Variants in CNTN5 observed in about 807,000 individuals in gnomAD.
CNTN5 encodes contactin 5, also known as contactin-5.
Under a neutral mutation model 129.1 loss-of-function variants are expected in CNTN5, and 77 were observed. The observed-to-expected ratio is 0.60, with a 90% confidence interval of 0.50 to 0.72. The LOEUF (loss-of-function observed/expected upper bound fraction) is 0.72. Ranked by LOEUF, CNTN5 falls within the 30% of genes least tolerant of loss-of-function variation. The pLI is 0.00. For missense variants in CNTN5, 1,478 were observed against 1,328.8 expected, an observed-to-expected ratio of 1.11 and a Z score of -1.75; for synonymous variants, 509 against 465.6, an observed-to-expected ratio of 1.09 and a Z score of -1.20.
intron 1 of CNTN5, among the ~76,000 whole-genome samples, chr11:99,233,625 A>C (rs1861114769): frequency 3.9e-5 from 6 of 152,312 alleles, no homozygotes; most frequent in Middle Eastern, 3.4e-3. Context: ...TAAAATATAC[A>C]TTTAAATTTT....
At chr11:99,897,792 A>G (rs1276966002) in intron 6 of CNTN5, among the ~76,000 whole-genome samples, 2 of 152,222 alleles carry the variant, frequency 1.3e-5, no homozygotes, top group African/African-American at 4.8e-5. Flanking sequence ...AAACTTACAT[A>G]TCAATATTAA....
chr11:99,610,741 G>A (rs1278709445), intron 3 of CNTN5, among the ~76,000 whole-genome samples: 1 of 152,130 alleles, frequency 6.6e-6, no homozygotes, highest in Admixed American at 6.6e-5. Context: ...TATAATGAAA[G>A]GTCGCAAGCT....
chr11:99,348,596 A>T (rs868153934), intron 2 of CNTN5, among the ~76,000 whole-genome samples: 1 of 152,180 alleles, frequency 6.6e-6, no homozygotes, highest in Non-Finnish European at 1.5e-5. Context: ...CCTTAGTTTA[A>T]TCACTTCTTC....
chr11:99,042,960 T>C lies in CNTN5; in HGVS notation c.-210+21690T>C, dbSNP rs371332763. 2.6e-5 allele frequency among the ~76,000 whole-genome samples: 4 copies of C among 152,288 alleles called. 1 individual carries two copies. Among genetic ancestry groups the C allele is most frequent in the African/African-American group, 9.6e-5 (4 of 41,552 alleles). On this transcript the variant is annotated intron_variant, in intron 1 of 24. Coordinates refer to ENST00000524871, the MANE Select transcript of CNTN5 (RefSeq NM_014361.4). ...AATTTCTCAAGATCTATAGCTCTCT[T>C]TGTTGTCAGGCTCAAATTATCTTGA...
chr11:99,114,332 G>A (rs191460125), intron 1 of CNTN5, among the ~76,000 whole-genome samples: 6 of 152,098 alleles, frequency 3.9e-5, no homozygotes, highest in African/African-American at 1.2e-4. Flanking sequence ...AGAAACTCTC[G>A]TAGTAAGAAA....
intron 1 of CNTN5, among the ~76,000 whole-genome samples, chr11:99,056,582 G>A (rs946727324): frequency 6.6e-6 from 1 of 151,964 alleles, no homozygotes; most frequent in Non-Finnish European, 1.5e-5. Flanking sequence ...TTTTAGAAAT[G>A]CCTCTATTTG....
At chr11:100,300,309 T>A (rs1158609240) in intron 20 of CNTN5, among the ~76,000 whole-genome samples, 1 of 151,376 alleles carries the variant, frequency 6.6e-6, no homozygotes, top group African/African-American at 2.4e-5. Context: ...TTCCTCTTAG[T>A]CCTTCTTTTA....
At chr11:99,998,180 A>T (rs903539154) in intron 8 of CNTN5, among the ~76,000 whole-genome samples, 143 of 152,020 alleles carry the variant, frequency 9.4e-4, no homozygotes, top group Non-Finnish European at 1.7e-3. Flanking sequence ...GAAGGGAATA[A>T]AGGGTCTTCA....
chr11:99,035,511 T>C (rs986228050), intron 1 of CNTN5, among the ~76,000 whole-genome samples: 3 of 150,282 alleles, frequency 2.0e-5, no homozygotes, highest in Non-Finnish European at 3.0e-5. Context: ...ATTGATCCCT[T>C]TACCATTATG....
chr11:99,507,301 C>T (rs7932509), intron 2 of CNTN5, among the ~76,000 whole-genome samples: 8,465 of 144,284 alleles, frequency 0.059, 253 homozygotes, highest in South Asian at 0.089. Context: ...CGCTTGAACC[C>T]GGGAGGCAGA....
At chr11:99,465,874 C>CATT (rs1554995294) in intron 2 of CNTN5, among the ~76,000 whole-genome samples, 3 of 106,420 alleles carry the variant, frequency 2.8e-5, no homozygotes, top group South Asian at 3.5e-4. Flanking sequence ...TGCCACACAC[C>CATT]TTTTTTTTTT....
At chr11:100,109,916 T>G (rs999558524) in intron 13 of CNTN5, among the ~76,000 whole-genome samples, 6 of 152,140 alleles carry the variant, frequency 3.9e-5, no homozygotes, top group Non-Finnish European at 8.8e-5. Flanking sequence ...TGGTGGCTCA[T>G]GCCTGTAATC....
intron 6 of CNTN5, among the ~76,000 whole-genome samples, chr11:99,851,599 T>C (rs935625003): frequency 6.6e-6 from 1 of 152,202 alleles, no homozygotes; most frequent in Non-Finnish European, 1.5e-5. Flanking sequence ...AGGAATAAAA[T>C]CTCCTTATGC....
At chr11:99,573,132 G>A (rs894838358) in intron 3 of CNTN5, among the ~76,000 whole-genome samples, 7 of 151,100 alleles carry the variant, frequency 4.6e-5, no homozygotes, top group African/African-American at 7.3e-5. Flanking sequence ...GAAGTATGTT[G>A]CCAAGAAGCT....
Position 100,110,591 on chromosome 11 carries a change from G to A in CNTN5, c.1580+36297G>A, listed in dbSNP as rs182330374. On this transcript the variant is annotated intron_variant, in intron 13 of 24. Transcript: ENST00000524871. ...AATCTATTTATAAACCATATAATGAGAATAAGGTACCCTTTATCTAATTTG... is the reference window on the plus strand; with the variant it reads ...AATCTATTTATAAACCATATAATGAAAATAAGGTACCCTTTATCTAATTTG... 3.4e-4 allele frequency among the ~76,000 whole-genome samples: 52 copies of A among 152,288 alleles called. 1 individual carries two copies. In the East Asian group the frequency reaches 9.3e-3, roughly 27 times the overall value.
chr11:99,976,906 C>T (rs1179323107), intron 8 of CNTN5, among the ~76,000 whole-genome samples: 2 of 152,166 alleles, frequency 1.3e-5, no homozygotes, highest in Admixed American at 6.5e-5. Flanking sequence ...TCTTTTTTAT[C>T]TCATGGTCAG....
chr11:99,651,963 AT>A (rs1199935732), intron 3 of CNTN5, among the ~76,000 whole-genome samples: 1 of 152,070 alleles, frequency 6.6e-6, no homozygotes, highest in South Asian at 2.1e-4. Context: ...CTACTGCTGC[AT>A]AACACGTTGC....
At chr11:99,479,021 G>A (rs188635984) in intron 2 of CNTN5, among the ~76,000 whole-genome samples, 129 of 152,030 alleles carry the variant, frequency 8.5e-4, no homozygotes, top group Non-Finnish European at 6.6e-4. Flanking sequence ...AAATAAAATA[G>A]ACCCCATTCA....
intron 1 of CNTN5, among the ~76,000 whole-genome samples, chr11:99,177,262 C>T (rs893332224): frequency 1.3e-5 from 2 of 152,166 alleles, no homozygotes; most frequent in African/African-American, 2.4e-5. Flanking sequence ...ACATCACCAC[C>T]TGACTCTCTA....
Sources: gnomAD v4.1 joint callset for allele counts (sites outside exome capture counted in the v4.1 genomes callset) on GRCh38, gnomAD v4.1.1 for gene constraint, MANE v1.5 for transcripts, NCBI Gene and HGNC (gene_info 2026-07-23, HGNC 2026-07-21) for gene names.